The following NPNT variants were observed in gnomAD, a reference collection of about 807,000 sequenced individuals.
NPNT encodes preosteoblast EGF-like repeat protein with MAM domain.
NPNT carries 45 observed loss-of-function variants against 68.6 expected under a neutral mutation model. That is an observed-to-expected ratio of 0.66 (90% CI 0.52 to 0.84). The LOEUF (loss-of-function observed/expected upper bound fraction) is 0.84, where lower values mean the gene tolerates loss of function less well. Ranked by LOEUF, NPNT falls within the 40% of genes least tolerant of loss-of-function variation. The pLI is 0.00. For missense variants in NPNT, 672 were observed against 714.8 expected, an observed-to-expected ratio of 0.94 and a Z score of 0.68; for synonymous variants, 233 against 253.3, an observed-to-expected ratio of 0.92 and a Z score of 0.76.
At position 105,969,198 on chromosome 4, in the gene NPNT, G is replaced by A. The variant is rs528415131; in HGVS notation, c.*208G>A. 10 of 444,242 alleles carry A rather than the reference G, an allele frequency of 2.3e-5. No individual in the cohort carries two copies. Among genetic ancestry groups the A allele is most frequent in the South Asian group, 4.6e-5 (1 of 21,782 alleles). The allele number at this position is 444,242 out of a possible 1,614,324, so 27.5% of individuals were successfully genotyped here. A position where few individuals can be genotyped will look rare whatever the true frequency, so the allele number is the denominator to read the frequency against. ...ACCCTCCTTGAAATACAGGGGCATC[G>A]CAGACACATCAAAGCCATCTGTGGG... is the stretch of plus-strand genomic sequence containing the variant. On this transcript the variant is annotated 3_prime_UTR_variant, in exon 12 of 12. Coordinates refer to ENST00000379987, the MANE Select transcript of NPNT (RefSeq NM_001033047.3).
At chr4:105,964,672 T>C (rs1731981360) in intron 10 of NPNT, among the ~76,000 whole-genome samples, 1 of 152,184 alleles carries the variant, frequency 6.6e-6, no homozygotes, top group African/African-American at 2.4e-5. Flanking sequence ...TTCTCTGATG[T>C]TCTTTATTTT....
chr4:105,968,852 A>G, intron 11 of NPNT, 43 bp from the exon 12 acceptor site: 1 of 1,154,344 alleles, frequency 8.7e-7, no homozygotes, highest in East Asian at 2.4e-5. Flanking sequence ...GGCATTAGAA[A>G]GGGGCAGAGG....
At chr4:105,923,679 G>A (rs757437321) in intron 2 of NPNT, among the ~76,000 whole-genome samples, 5 of 152,020 alleles carry the variant, frequency 3.3e-5, no homozygotes, top group Non-Finnish European at 5.9e-5. Flanking sequence ...CGTTCTAGGC[G>A]AGAACACAGA....
chr4:105,954,835 C>T (rs189738895), intron 8 of NPNT, among the ~76,000 whole-genome samples: 1 of 152,234 alleles, frequency 6.6e-6, no homozygotes, highest in Non-Finnish European at 1.5e-5. Context: ...ACTCCCCACT[C>T]CCGTACTCAC....
intron 4 of NPNT, among the ~76,000 whole-genome samples, chr4:105,937,849 G>A (rs1729616397): frequency 6.6e-6 from 1 of 152,100 alleles, no homozygotes; most frequent in Admixed American, 6.5e-5. Flanking sequence ...TAACTGAGTT[G>A]CATAAAATAA....
At chr4:105,901,873 G>A (rs1726450130) in intron 2 of NPNT, among the ~76,000 whole-genome samples, 1 of 152,048 alleles carries the variant, frequency 6.6e-6, no homozygotes. Context: ...GTTTTGGAGT[G>A]GTCAAATAAT....
chr4:105,915,763 C>A (rs1464681824), intron 2 of NPNT, among the ~76,000 whole-genome samples: 1 of 152,150 alleles, frequency 6.6e-6, no homozygotes, highest in Non-Finnish European at 1.5e-5. Context: ...AGTAGAGAAA[C>A]TTGATATGTG....
intron 2 of NPNT, among the ~76,000 whole-genome samples, chr4:105,907,414 A>T (rs535274736): frequency 6.6e-6 from 1 of 152,358 alleles, no homozygotes; most frequent in South Asian, 2.1e-4. Flanking sequence ...GAAGGTCTTC[A>T]AACGCCTTTT....
intron 3 of NPNT, among the ~76,000 whole-genome samples, chr4:105,931,323 A>G (rs1016806779): frequency 6.6e-6 from 1 of 152,200 alleles, no homozygotes; most frequent in African/African-American, 2.4e-5. Flanking sequence ...ATATTTATAA[A>G]TGTCAATTCC....
At chr4:105,967,477 G>A (rs755284452) in intron 11 of NPNT, 33 bp downstream of exon 11, 143 of 1,508,664 alleles carry the variant, frequency 9.5e-5, no homozygotes, top group Non-Finnish European at 1.2e-4. Context: ...CAGGACCTGG[G>A]ACGTTTTCCT....
chr4:105,958,861 G>A, intron 9 of NPNT, 167 bp from the exon 10 acceptor site: 1 of 597,764 alleles, frequency 1.7e-6, no homozygotes, highest in Middle Eastern at 4.4e-4. Flanking sequence ...ATGCACTATT[G>A]TGCTGAGAAA....
chr4:105,939,119 C>CCTAA (rs1484218708), intron 5 of NPNT, among the ~76,000 whole-genome samples: 24 of 152,068 alleles, frequency 1.6e-4, no homozygotes, highest in African/African-American at 5.3e-4. Context: ...ATAGCAGTGG[C>CCTAA]CTAAGCACAC....
intron 2 of NPNT, among the ~76,000 whole-genome samples, chr4:105,907,552 G>T (rs1727008687): frequency 6.6e-6 from 1 of 151,918 alleles, no homozygotes; most frequent in South Asian, 2.1e-4. Flanking sequence ...ACAAACAAAT[G>T]ATCAGTCCTC....
At chr4:105,966,314 T>C (rs989068541) in intron 10 of NPNT, among the ~76,000 whole-genome samples, 2 of 152,128 alleles carry the variant, frequency 1.3e-5, no homozygotes, top group East Asian at 1.9e-4. Flanking sequence ...CACCCCCCAC[T>C]TCACTGCTGC....
chr4:105,945,423 A>G (rs1246937828), intron 8 of NPNT, among the ~76,000 whole-genome samples: 1 of 152,114 alleles, frequency 6.6e-6, no homozygotes, highest in Non-Finnish European at 1.5e-5. Flanking sequence ...GACGTCTCAA[A>G]CTCAACATGT....
At chr4:105,960,583 T>C (rs532123875) in intron 10 of NPNT, among the ~76,000 whole-genome samples, 28 of 152,302 alleles carry the variant, frequency 1.8e-4, no homozygotes, top group African/African-American at 6.5e-4. Context: ...TTCAATAAAT[T>C]CAAATTGGTT....
At chr4:105,920,690 T>G (rs1728197238) in intron 2 of NPNT, among the ~76,000 whole-genome samples, 1 of 152,020 alleles carries the variant, frequency 6.6e-6, no homozygotes, top group South Asian at 2.1e-4. Context: ...AAAATTTAAA[T>G]AGCGAGAGAT....
At chr4:105,918,919 T>C (rs1471932957) in intron 2 of NPNT, among the ~76,000 whole-genome samples, 1 of 152,154 alleles carries the variant, frequency 6.6e-6, no homozygotes, top group East Asian at 1.9e-4. Flanking sequence ...CTTGTGAGTT[T>C]ACTGGTTTTT....
Position 105,968,957 on chromosome 4 carries a change from C to T in NPNT, c.1665C>T (p.Ser555=), listed in dbSNP as rs373691506. 2.5e-6 allele frequency: 4 copies of T among 1,612,830 alleles called. No homozygotes were observed. The highest frequency in any genetic ancestry group is 2.5e-6 in the Non-Finnish European group (3 of 1,178,992). ...GGGAGATTGGATTAGATGATGTGAG[C>T]TTGAAAAAAGGCCACTGCTCTGAAG... The part of the protein sequence containing the change: ...HTGEIGLDDV[S]LKKGHCSEER The change falls in exon 12 of 12, where the codon AGC becomes AGT. Residue 555 remains serine, a synonymous_variant. Transcript: ENST00000379987.
Sources: gnomAD v4.1 joint callset for allele counts (sites outside exome capture counted in the v4.1 genomes callset) on GRCh38, gnomAD v4.1.1 for gene constraint, MANE v1.5 for transcripts, NCBI Gene and HGNC (gene_info 2026-07-23, HGNC 2026-07-21) for gene names.